Variants in SUN1 observed in about 807,000 individuals in gnomAD.
SUN1 encodes the protein SUN domain-containing protein 1.
In SUN1, 61 loss-of-function variants were observed where a neutral mutation model predicts 103.2. The observed-to-expected ratio is 0.59, with a 90% CI of 0.48 to 0.73. The LOEUF is 0.73. Among genes scored for constraint, SUN1 ranks in the 30% least tolerant of loss-of-function variants. The pLI is 0.00. For missense variants in SUN1, 1,052 were observed against 1,034.6 expected (o/e 1.02, Z -0.23); for synonymous variants, 490 against 425.7 (o/e 1.15, Z -1.86).
rs367825879 is a variant in SUN1, at chr7:843,483, C to G, written c.621C>G (p.Pro207=). 4.3e-6 allele frequency: 7 copies of G among 1,614,026 alleles called. No homozygotes were observed. Among genetic ancestry groups the G allele is most frequent in the Non-Finnish European group, 5.9e-6 (7 of 1,179,922 alleles). Reference sequence around the variant, plus strand: ...CGGCGCACCCCGCGGCCCCCGGGCCCGTGTCGAGAGTTTATTCTAGGGACA... The same window carrying G: ...CGGCGCACCCCGCGGCCCCCGGGCCGGTGTCGAGAGTTTATTCTAGGGACA... ...VLTAHPAAPG[P]VSRVYSRDRN... The change falls in exon 5 of 19, where the codon CCC becomes CCG. Residue 207 remains proline, a synonymous_variant. Coordinates refer to ENST00000401592, the MANE Select transcript of SUN1 (RefSeq NM_001130965.3).
upstream of SUN1, chr7:832,406 A>G: frequency 2.1e-6 from 2 of 969,980 alleles, no homozygotes; most frequent in Non-Finnish European, 3.2e-6. Flanking sequence ...GGGTGACCTG[A>G]GTTGAGTTGC....
In SUN1 at chr7:854,919, G is replaced by A; in HGVS notation, c.1264-1G>A. 6.2e-7 allele frequency: 1 copy of A among 1,611,236 alleles called. No homozygotes were observed. The highest frequency in any genetic ancestry group is 1.1e-5 in the South Asian group (1 of 90,540). On this transcript the variant is annotated splice_acceptor_variant, in intron 10 of 18. Coordinates refer to ENST00000401592, the MANE Select transcript of SUN1 (RefSeq NM_001130965.3). LOFTEE classifies it high-confidence loss of function. ...TTTGTTCACTCCTTCTCTTTCCTAA[G>A]ACTGACTTTATGGCCTTTCACCAAG...
At chr7:847,859 G>A (rs60747423) in intron 5 of SUN1, among the ~76,000 whole-genome samples, 39,487 of 110,720 alleles carry the variant, frequency 0.36, 5,827 homozygotes, top group East Asian at 0.51. Flanking sequence ...AGCGGAGTTG[G>A]CGGCCTTCCC....
chr7:837,048 C>G (rs1023828333), intron 1 of SUN1, among the ~76,000 whole-genome samples: 2 of 152,240 alleles, frequency 1.3e-5, no homozygotes, highest in Non-Finnish European at 2.9e-5. Context: ...TCATGACGCA[C>G]TCACACCTGC....
At chr7:849,911 C>T (rs1820268537) in intron 5 of SUN1, 1 of 1,589,254 alleles carries the variant, frequency 6.3e-7, no homozygotes, top group East Asian at 2.3e-5. Context: ...CTGCCTGTCA[C>T]CACACCTGCA....
intron 17 of SUN1, among the ~76,000 whole-genome samples, chr7:871,512 C>T (rs967618845): frequency 2.0e-5 from 3 of 152,162 alleles, no homozygotes; most frequent in African/African-American, 7.2e-5. Context: ...CTCAGCCTCC[C>T]GAGTAGCCGG....
rs1283049455 is a variant in SUN1, at chr7:860,402, G to T, written c.1779+20G>T. 5.0e-6 allele frequency: 8 copies of T among 1,608,282 alleles called. No homozygotes were observed. The highest frequency in any genetic ancestry group is 1.7e-5 in the Admixed American group (1 of 59,910). ...GAGGCGGTGAGTCGGCGAGTCGGCG[G>T]CAAGAGATGCTTACAGTCCATTCTG... On this transcript the variant is annotated intron_variant, in intron 14 of 18. Coordinates refer to ENST00000401592, the MANE Select transcript of SUN1 (RefSeq NM_001130965.3).
At chr7:832,814 G>GT (rs1799191563) in intron 1 of SUN1, 1 of 533,264 alleles carries the variant, frequency 1.9e-6, no homozygotes, top group South Asian at 2.6e-5. Flanking sequence ...TGACTGGGTG[G>GT]TTAGTCATCG....
At chr7:854,852 G>C in intron 10 of SUN1, 68 bp from the exon 11 acceptor site, 1 of 1,176,354 alleles carries the variant, frequency 8.5e-7, no homozygotes, top group Non-Finnish European at 1.3e-6. Context: ...GAAACGCCTT[G>C]GCCTGATTTG....
In SUN1 at chr7:862,811, C is replaced by G. The variant is rs376697431; in HGVS notation, c.1864+1347C>G. ...AAGATAATTCAGTGGTTTAGAAATT[C>G]ACATCTCAATCAGCTACATTAAAAT... On this transcript the variant is annotated intron_variant, in intron 15 of 18. Transcript: ENST00000401592. 5.3e-5 allele frequency among the ~76,000 whole-genome samples: 8 copies of G among 152,272 alleles called. No homozygotes were observed. In the South Asian group the frequency reaches 1.7e-3, roughly 32 times the overall value.
At chr7:872,653 C>A (rs1585413780) in intron 18 of SUN1, 91 bp downstream of exon 18, 2 of 990,028 alleles carry the variant, frequency 2.0e-6, no homozygotes, top group African/African-American at 1.6e-5. Flanking sequence ...GACTGGAAAG[C>A]AGCGTGAGGA....
In SUN1 at chr7:838,947, G is replaced by T. The variant is rs149038179; in HGVS notation, c.227G>T (p.Gly76Val). The T allele has an allele frequency of 6.2e-7, 1 of 1,607,314 alleles. No homozygotes were observed. The highest frequency in any genetic ancestry group is 1.7e-5 in the Admixed American group (1 of 59,116). ...GDGEAVGADS[G>V]TSSAVSLKNR... ...GGTGAGGCTGTGGGTGCCGACAGCG[G>T]CACCAGCAGCGCTGTCTCCCTGAAG... The change falls in exon 2 of 19, where the codon GGC becomes GTC. Residue 76 changes from glycine to valine, a missense_variant. By Grantham distance (109) the Gly-to-Val change is moderately radical. Coordinates refer to ENST00000401592, the MANE Select transcript of SUN1 (RefSeq NM_001130965.3).
intron 2 of SUN1, among the ~76,000 whole-genome samples, chr7:839,945 G>A (rs1202156843): frequency 2.0e-5 from 3 of 152,198 alleles, no homozygotes; most frequent in African/African-American, 4.8e-5. Context: ...CGTTCGTCGA[G>A]TTCATTTGAT....
chr7:817,952 A>G (rs561368126), intron 1 of SUN1, among the ~76,000 whole-genome samples: 4 of 151,730 alleles, frequency 2.6e-5, no homozygotes, highest in Non-Finnish European at 2.9e-5. Flanking sequence ...TTCTTCCAGT[A>G]TATCTATTTA....
chr7:854,794 C>T (rs1315481721), intron 10 of SUN1, 126 bp from the exon 11 acceptor site: 9 of 649,540 alleles, frequency 1.4e-5, no homozygotes, highest in South Asian at 3.8e-5. Context: ...CTTTAGGGTC[C>T]GTGCCACATT....
intron 18 of SUN1, 33 bp from the exon 19 acceptor site, chr7:873,182 T>C (rs1318451574): frequency 6.3e-7 from 1 of 1,588,748 alleles, no homozygotes; most frequent in Non-Finnish European, 8.6e-7. Flanking sequence ...TAATATGAAA[T>C]ACATGTGTGT....
intron 1 of SUN1, among the ~76,000 whole-genome samples, chr7:821,754 T>G (rs997969306): frequency 2.6e-5 from 4 of 152,160 alleles, no homozygotes; most frequent in African/African-American, 9.7e-5. Context: ...CTGGAGGCTG[T>G]TGAATTGCAT....
Position 851,439 on chromosome 7 carries a change from C to T in SUN1, c.714C>T (p.Ser238=), listed in dbSNP as rs1483666689. The T allele has an allele frequency of 1.2e-6, 2 of 1,610,666 alleles. No individual in the cohort carries two copies. Among genetic ancestry groups the T allele is most frequent in the Non-Finnish European group, 1.7e-6 (2 of 1,178,552 alleles). Residue 238 remains serine, a synonymous_variant, in exon 6 of 19, where the codon TCC becomes TCT. Transcript: ENST00000401592. The part of the protein sequence containing the change: ...RRIGAVGQAV[S]RTAWSALWLA... ...TCGGAGCTGTGGGCCAGGCTGTGTC[C>T]AGGACGGCGTGGTCGGCCCTTTGGC... is the stretch of plus-strand genomic sequence containing the variant.
chr7:854,809 C>T (rs2128412936), intron 10 of SUN1, 111 bp from the exon 11 acceptor site: 1 of 734,728 alleles, frequency 1.4e-6, no homozygotes, highest in Non-Finnish European at 2.3e-6. Context: ...CACATTGCGA[C>T]CACAGATTCT....
Sources: allele counts gnomAD v4.1 joint callset (sites outside exome capture counted in the v4.1 genomes callset), GRCh38; gene constraint gnomAD v4.1.1; transcripts MANE v1.5; gene names NCBI Gene and HGNC (gene_info 2026-07-23, HGNC 2026-07-21).